Variants in KIF6 observed in about 807,000 individuals in gnomAD.
The protein encoded by KIF6 is kinesin family member 6.
Under a neutral mutation model 112.7 loss-of-function variants are expected in KIF6, and 106 were observed. The observed-to-expected ratio is 0.94, with a 90% CI of 0.80 to 1.11. The LOEUF (loss-of-function observed/expected upper bound fraction) is 1.11, where lower values mean the gene tolerates loss of function less well. Among genes scored for constraint, KIF6 ranks in the 50% least tolerant of loss-of-function variants. The pLI is 0.00. For synonymous variants in KIF6, 339 were observed against 339.9 expected (o/e 1.00, Z 0.03); for missense variants, 929 against 964.0 (o/e 0.96, Z 0.48).
At chr6:39,367,061 C>G (rs1765614946) in intron 16 of KIF6, among the ~76,000 whole-genome samples, 1 of 152,150 alleles carries the variant, frequency 6.6e-6, no homozygotes, top group Admixed American at 6.5e-5. Context: ...ACGACACAAA[C>G]TACCCACGTT....
Position 39,699,021 on chromosome 6 carries a change from T to C in KIF6, c.251+15671A>G, listed in dbSNP as rs140748130. On this transcript the variant is annotated intron_variant, in intron 3 of 22. Coordinates refer to ENST00000287152, the MANE Select transcript of KIF6 (RefSeq NM_145027.6). ...TAGCAGCTGCATGTCTAACTGGTAG[T>C]TTCAGGCTTCATTCCACACATATTT... Among the ~76,000 whole-genome samples, 843 of 152,288 alleles carry C rather than the reference T, an allele frequency of 5.5e-3. 16 individuals are homozygous for C. Among genetic ancestry groups the C allele is most frequent in the Non-Finnish European group, 3.5e-3 (237 of 68,024 alleles).
chr6:39,508,612 G>A (rs1776581250), intron 13 of KIF6, among the ~76,000 whole-genome samples: 1 of 152,200 alleles, frequency 6.6e-6, no homozygotes, highest in Admixed American at 6.5e-5. Flanking sequence ...CTCGCTGCTA[G>A]TGTAGCAGTA....
intron 3 of KIF6, among the ~76,000 whole-genome samples, chr6:39,654,092 G>A (rs1785630223): frequency 6.6e-6 from 1 of 152,146 alleles, no homozygotes; most frequent in Non-Finnish European, 1.5e-5. Flanking sequence ...GATGACAAGA[G>A]GAAAGAGTCC....
At chr6:39,559,224 C>T (rs574640047) in intron 10 of KIF6, among the ~76,000 whole-genome samples, 1 of 152,110 alleles carries the variant, frequency 6.6e-6, no homozygotes, top group Non-Finnish European at 1.5e-5. Context: ...TTATTAGAAG[C>T]TGGTAAGAAG....
intron 13 of KIF6, among the ~76,000 whole-genome samples, chr6:39,508,978 C>T (rs931371549): frequency 5.9e-5 from 9 of 152,174 alleles, no homozygotes; most frequent in Non-Finnish European, 1.2e-4. Context: ...CAGTAGGGGC[C>T]GACAGACACC....
intron 5 of KIF6, among the ~76,000 whole-genome samples, chr6:39,630,519 T>C (rs1235431318): frequency 6.6e-6 from 1 of 152,090 alleles, no homozygotes; most frequent in East Asian, 1.9e-4. Flanking sequence ...AATTGACTTT[T>C]GTACATTAAC....
chr6:39,417,757 A>G (rs1437538205), intron 15 of KIF6, among the ~76,000 whole-genome samples: 1 of 152,094 alleles, frequency 6.6e-6, no homozygotes, highest in Non-Finnish European at 1.5e-5. Flanking sequence ...AACTAAGTAT[A>G]TTAGTATAGT....
At position 39,346,085 on chromosome 6, in the gene KIF6, T is replaced by TCTCTCTCTCTCCC. The variant is rs1212794740; in HGVS notation, c.2232-297_2232-296insGGGAGAGAGAGAG. On this transcript the variant is annotated intron_variant, in intron 20 of 22. Coordinates refer to ENST00000287152, the MANE Select transcript of KIF6 (RefSeq NM_145027.6). ...CTCTCTCTCTCTCTCTCTCTCTCTC[T>TCTCTCTCTCTCCC]CCCCCCCCTCTCCCTCCCCCCCTCC... is the stretch of plus-strand genomic sequence containing the variant. 3.7e-4 allele frequency among the ~76,000 whole-genome samples: 8 copies of TCTCTCTCTCTCCC among 21,606 alleles called. 3 individuals carry two copies. The highest frequency in any genetic ancestry group is 4.8e-4 in the Non-Finnish European group (6 of 12,474). The allele number at this position is 21,606 out of a possible 152,430, so 14.2% of individuals were successfully genotyped here. A position where few individuals can be genotyped will look rare whatever the true frequency, so the allele number is the denominator to read the frequency against.
chr6:39,573,832 A>G (rs1449252788), intron 10 of KIF6, among the ~76,000 whole-genome samples: 1 of 152,324 alleles, frequency 6.6e-6, no homozygotes, highest in South Asian at 2.1e-4. Flanking sequence ...CATGTCTGTC[A>G]CCACCACTAA....
intron 5 of KIF6, among the ~76,000 whole-genome samples, chr6:39,632,877 C>T (rs1215415433): frequency 1.3e-5 from 2 of 152,022 alleles, no homozygotes; most frequent in Non-Finnish European, 2.9e-5. Flanking sequence ...GCCTTGGCCT[C>T]CCAAAGTGCT....
At chr6:39,638,857 G>T (rs1333663210) in intron 4 of KIF6, among the ~76,000 whole-genome samples, 1 of 152,000 alleles carries the variant, frequency 6.6e-6, no homozygotes, top group African/African-American at 2.4e-5. Flanking sequence ...CTCATTACGG[G>T]GAATTTGTTT....
chr6:39,446,491 T>TCTTTC (rs10672431), intron 13 of KIF6, among the ~76,000 whole-genome samples: 1,888 of 152,256 alleles, frequency 0.012, 51 homozygotes, highest in African/African-American at 0.043. Flanking sequence ...TGTTTTCTTT[T>TCTTTC]CTTTCCTTTT....
At chr6:39,350,513 G>A (rs886151180) in intron 19 of KIF6, among the ~76,000 whole-genome samples, 2 of 152,126 alleles carry the variant, frequency 1.3e-5, no homozygotes. Flanking sequence ...CATGTATTTT[G>A]CACCTGGCCC....
chr6:39,377,604 C>T (rs901588606), intron 16 of KIF6, among the ~76,000 whole-genome samples: 16 of 152,150 alleles, frequency 1.1e-4, no homozygotes, highest in South Asian at 2.1e-4. Context: ...CATCAACAGC[C>T]GAGGCCTGTC....
chr6:39,539,632 C>T (rs1045187129), intron 13 of KIF6, among the ~76,000 whole-genome samples: 9 of 152,302 alleles, frequency 5.9e-5, no homozygotes, highest in East Asian at 3.9e-4. Flanking sequence ...CGTGAGCCAC[C>T]GTGCCTGGCC....
chr6:39,516,580 G>T (rs1231873013), intron 13 of KIF6, among the ~76,000 whole-genome samples: 2 of 151,470 alleles, frequency 1.3e-5, no homozygotes, highest in African/African-American at 4.8e-5. Flanking sequence ...CTGGGAAAGT[G>T]GGAGAAGCCT....
intron 3 of KIF6, among the ~76,000 whole-genome samples, chr6:39,669,378 G>A (rs1165888607): frequency 6.6e-6 from 1 of 152,160 alleles, no homozygotes; most frequent in East Asian, 1.9e-4. Flanking sequence ...GTTATGCAAA[G>A]CACACACATA....
intron 16 of KIF6, among the ~76,000 whole-genome samples, chr6:39,372,197 T>C (rs963148517): frequency 6.6e-5 from 10 of 152,042 alleles, no homozygotes; most frequent in African/African-American, 2.2e-4. Context: ...AATTCAGTTA[T>C]GGGGTTGATC....
chr6:39,602,450 C>T (rs1307904440), intron 6 of KIF6, among the ~76,000 whole-genome samples: 3 of 152,124 alleles, frequency 2.0e-5, no homozygotes, highest in African/African-American at 4.8e-5. Flanking sequence ...CTCTTCCTCC[C>T]TCCTAGACTT....
Sources: gnomAD v4.1 joint callset for allele counts (sites outside exome capture counted in the v4.1 genomes callset) on GRCh38, gnomAD v4.1.1 for gene constraint, MANE v1.5 for transcripts, NCBI Gene and HGNC (gene_info 2026-07-23, HGNC 2026-07-21) for gene names.